ZNF592: variants seen among roughly 807,000 people sequenced by gnomAD.
ZNF592 encodes spinocerebellar ataxia, autosomal recessive 5.
ZNF592 carries 11 observed loss-of-function variants against 80.3 expected under a neutral mutation model. The ratio of observed to expected loss-of-function variants is 0.14; its 90% CI spans 0.09 to 0.23. ZNF592 has a LOEUF of 0.23. Ranked by LOEUF, ZNF592 falls within the 10% of genes least tolerant of loss-of-function variation. ZNF592 has a pLI of 1.00. For missense variants in ZNF592, 1,420 were observed against 1,633.9 expected (o/e 0.87, Z 2.26); for synonymous variants, 646 against 640.3 (o/e 1.01, Z -0.13).
chr15:84,786,955 AT>A (rs1406090319), intron 4 of ZNF592, among the ~76,000 whole-genome samples: 1 of 142,388 alleles, frequency 7.0e-6, no homozygotes, highest in Non-Finnish European at 1.5e-5. Context: ...GGTTCAAGTG[AT>A]TCTCCTGCCT....
chr15:84,801,776 T>C, intron 10 of ZNF592, 87 bp from the exon 11 acceptor site: 1 of 1,603,358 alleles, frequency 6.2e-7, no homozygotes, highest in Non-Finnish European at 8.5e-7. Flanking sequence ...GGTGGTGCTT[T>C]CTTTGAGTCC....
intron 2 of ZNF592, among the ~76,000 whole-genome samples, chr15:84,777,861 G>A (rs932060999): frequency 6.6e-6 from 1 of 151,784 alleles, no homozygotes; most frequent in African/African-American, 2.4e-5. Flanking sequence ...CACCACGCCC[G>A]GCTAATTTTT....
At chr15:84,777,746 C>T (rs1962302488) in intron 2 of ZNF592, among the ~76,000 whole-genome samples, 1 of 124,080 alleles carries the variant, frequency 8.1e-6, no homozygotes, top group South Asian at 2.7e-4. Flanking sequence ...GTCTCCCAGG[C>T]TGGAGTGCGG....
rs185239931 is a variant in ZNF592, at chr15:84,775,549, C to T, written c.-149-2634C>T. Reference sequence around the variant, plus strand: ...CCGAATTCAAGAGATTCTCCTGCGTCGGCCTCCTGAGTAGCTGGGTTTGCA... The same window carrying T: ...CCGAATTCAAGAGATTCTCCTGCGTTGGCCTCCTGAGTAGCTGGGTTTGCA... On this transcript the variant is annotated intron_variant, in intron 2 of 10. Coordinates refer to ENST00000560079, the MANE Select transcript of ZNF592 (RefSeq NM_014630.3). Among the ~76,000 whole-genome samples the T allele has an allele frequency of 2.6e-4, 40 of 152,300 alleles. No individual in the cohort carries two copies. In the East Asian group the frequency reaches 6.6e-3, roughly 25 times the overall value.
At chr15:84,780,849 T>A (rs1202143848) in intron 3 of ZNF592, among the ~76,000 whole-genome samples, 3 of 152,138 alleles carry the variant, frequency 2.0e-5, no homozygotes, top group African/African-American at 7.2e-5. Flanking sequence ...AAAAAAGTTT[T>A]GAAAAAATAA....
intron 1 of ZNF592, among the ~76,000 whole-genome samples, chr15:84,762,661 T>C (rs770645024): frequency 3.3e-5 from 5 of 152,082 alleles, no homozygotes; most frequent in Non-Finnish European, 5.9e-5. Context: ...GTGGAGAGAT[T>C]TGAAGGGTAA....
intron 1 of ZNF592, among the ~76,000 whole-genome samples, chr15:84,757,433 C>T (rs940936194): frequency 1.3e-5 from 2 of 151,322 alleles, no homozygotes; most frequent in African/African-American, 4.9e-5. Flanking sequence ...ACAGTCTTGA[C>T]CTCCTGGGCT....
At chr15:84,793,165 C>T (rs541027175) in intron 5 of ZNF592, among the ~76,000 whole-genome samples, 1 of 152,230 alleles carries the variant, frequency 6.6e-6, no homozygotes, top group South Asian at 2.1e-4. Flanking sequence ...CAATCTCCAC[C>T]TCTCGAGTTC....
At chr15:84,753,539 C>T (rs1899075532) in intron 1 of ZNF592, 1 of 152,204 alleles carries the variant, frequency 6.6e-6, no homozygotes, top group Admixed American at 6.5e-5. Context: ...ATGGTGCCAT[C>T]TTGGCTCCCT....
Position 84,796,221 on chromosome 15 carries a change from CAAAAA to C in ZNF592, c.2400-1633_2400-1629del, listed in dbSNP as rs753718341. Reference sequence around the variant, plus strand: ...TGGGTGACAAAGCAAGACTCTGTCTCAAAAAAAAAAAAAAAAAAATATATATATAT... The same window carrying C: ...TGGGTGACAAAGCAAGACTCTGTCTCAAAAAAAAAAAAAATATATATATAT... On this transcript the variant is annotated intron_variant, in intron 5 of 10. Coordinates refer to ENST00000560079, the MANE Select transcript of ZNF592 (RefSeq NM_014630.3). Among the ~76,000 whole-genome samples, 116 of 25,430 alleles carry C rather than the reference CAAAAA, an allele frequency of 4.6e-3. 6 individuals carry two copies. The highest frequency in any genetic ancestry group is 0.014 in the African/African-American group (101 of 7,238). The allele number at this position is 25,430 out of a possible 152,430, so 16.7% of individuals were successfully genotyped here.
At chr15:84,774,090 G>A (rs1442912815) in intron 2 of ZNF592, among the ~76,000 whole-genome samples, 2 of 152,200 alleles carry the variant, frequency 1.3e-5, no homozygotes, top group Admixed American at 6.5e-5. Context: ...AATTGGTATT[G>A]CTTTTCCCTG....
At chr15:84,780,929 G>T (rs535812757) in intron 3 of ZNF592, among the ~76,000 whole-genome samples, 1 of 152,058 alleles carries the variant, frequency 6.6e-6, no homozygotes, top group Non-Finnish European at 1.5e-5. Context: ...AAATGCACGC[G>T]TAGTTTTACA....
intron 5 of ZNF592, among the ~76,000 whole-genome samples, chr15:84,792,438 C>G (rs1962776033): frequency 6.6e-6 from 1 of 152,140 alleles, no homozygotes; most frequent in Admixed American, 6.5e-5. Context: ...ACATTTCTGT[C>G]TTGGGGTAAA....
chr15:84,802,316 G>T lies in ZNF592; in HGVS notation c.3727G>T (p.Asp1243Tyr). 3 of 1,613,908 alleles carry T rather than the reference G, an allele frequency of 1.9e-6. No homozygotes were observed. Among genetic ancestry groups the T allele is most frequent in the Non-Finnish European group, 2.5e-6 (3 of 1,179,956 alleles). ...RRLLGPAPED[D>Y]GGHNDHSQPQ... is the part of the protein sequence containing the mutation. ...ATTGCTGGGCCCGGCCCCTGAGGAC[G>T]ATGGTGGCCACAATGATCACAGTCA... Residue 1243 changes from aspartate to tyrosine, a missense_variant, in exon 11 of 11, where the codon GAT (aspartate) becomes TAT (tyrosine). Asp to Tyr is a radical substitution (Grantham distance 160). This residue lies in a region of ZNF592 where 145 missense variants were observed against 211.9 expected (regional missense o/e 0.68). Coordinates refer to ENST00000560079, the MANE Select transcript of ZNF592 (RefSeq NM_014630.3).
At chr15:84,791,927 A>G (rs1253225886) in intron 5 of ZNF592, among the ~76,000 whole-genome samples, 3 of 152,250 alleles carry the variant, frequency 2.0e-5, no homozygotes, top group African/African-American at 7.2e-5. Context: ...GGCAGAGGTC[A>G]GACCATGCAA....
intron 1 of ZNF592, among the ~76,000 whole-genome samples, chr15:84,762,047 T>G (rs995894607): frequency 6.6e-6 from 1 of 152,214 alleles, no homozygotes; most frequent in Non-Finnish European, 1.5e-5. Flanking sequence ...AACGGCTGCT[T>G]CTTTATGATC....
rs1264366961 is a variant in ZNF592 at position 84,802,706 on chromosome 15, A to G, written c.*313A>G. On this transcript the variant is annotated 3_prime_UTR_variant, in exon 11 of 11. Transcript: ENST00000560079. ...TGGCCCAACCCCACTGCTGTCAACT[A>G]GGCTTGAACCCCACAGCGGCTGTGC... 1 of 427,202 alleles carries G rather than the reference A, an allele frequency of 2.3e-6. No individual in the cohort carries two copies. The highest frequency in any genetic ancestry group is 3.6e-5 in the Admixed American group (1 of 27,758). The allele number at this position is 427,202 out of a possible 1,614,324, so 26.5% of individuals were successfully genotyped here.
intron 2 of ZNF592, among the ~76,000 whole-genome samples, chr15:84,765,292 C>T (rs1425170441): frequency 6.6e-6 from 1 of 152,088 alleles, no homozygotes; most frequent in Non-Finnish European, 1.5e-5. Context: ...GGGTTACTTC[C>T]ACCTTTGAGT....
chr15:84,774,418 C>T (rs933183468), intron 2 of ZNF592, among the ~76,000 whole-genome samples: 11 of 152,234 alleles, frequency 7.2e-5, no homozygotes, highest in Non-Finnish European at 4.4e-5. Context: ...TTCATGAGTC[C>T]TTATTCAGCA....
Sources: allele counts gnomAD v4.1 joint callset (sites outside exome capture counted in the v4.1 genomes callset), GRCh38; gene constraint gnomAD v4.1.1; regional missense constraint gnomAD v4.1.1; transcripts MANE v1.5; gene names NCBI Gene and HGNC (gene_info 2026-07-23, HGNC 2026-07-21).